Variants in PTK2 observed in about 807,000 individuals in gnomAD.
PTK2 encodes the protein protein tyrosine kinase 2, also known as focal adhesion kinase 1.
A neutral mutation model predicts 150.1 loss-of-function variants in PTK2; 45 were observed. The ratio of observed to expected loss-of-function variants is 0.30; its 90% CI spans 0.24 to 0.38. The LOEUF is 0.38. Among genes scored for constraint, PTK2 ranks in the 10% least tolerant of loss-of-function variants. The pLI, the probability that PTK2 is intolerant of heterozygous loss-of-function variation, is 1.00. For synonymous variants in PTK2, 432 were observed against 449.2 expected (o/e 0.96, Z 0.48); for missense variants, 919 against 1,307.3 (o/e 0.70, Z 4.58).
intron 22 of PTK2, among the ~76,000 whole-genome samples, chr8:140,728,942 G>A (rs767283117): frequency 6.6e-6 from 1 of 152,026 alleles, no homozygotes; most frequent in Non-Finnish European, 1.5e-5. Context: ...ATTGATACAC[G>A]CACACATGTC....
chr8:140,916,473 A>G (rs1051200520), intron 2 of PTK2, among the ~76,000 whole-genome samples: 5 of 152,168 alleles, frequency 3.3e-5, no homozygotes, highest in Non-Finnish European at 5.9e-5. Context: ...CACTTGGCTA[A>G]CTCCCATATT....
intron 5 of PTK2, among the ~76,000 whole-genome samples, chr8:140,861,224 C>G (rs1021712107): frequency 1.8e-4 from 27 of 152,226 alleles, no homozygotes; most frequent in African/African-American, 6.5e-4. Context: ...TGGCACGCAC[C>G]TGTAGTCCCA....
chr8:140,713,626 C>T (rs2100037946), intron 23 of PTK2, among the ~76,000 whole-genome samples: 1 of 152,174 alleles, frequency 6.6e-6, no homozygotes, highest in Admixed American at 6.5e-5. Context: ...AATGGCTGTT[C>T]TAGGATACTT....
chr8:140,811,201 A>G (rs1295942212), intron 10 of PTK2, among the ~76,000 whole-genome samples: 1 of 152,188 alleles, frequency 6.6e-6, no homozygotes, highest in Non-Finnish European at 1.5e-5. Flanking sequence ...AACACTCCAC[A>G]AGTGCAGTGG....
At chr8:140,868,494 C>T (rs2100140679) in intron 4 of PTK2, among the ~76,000 whole-genome samples, 1 of 152,120 alleles carries the variant, frequency 6.6e-6, no homozygotes, top group South Asian at 2.1e-4. Flanking sequence ...TGTATCTTCC[C>T]AGAAGATATT....
intron 2 of PTK2, among the ~76,000 whole-genome samples, chr8:140,911,860 GA>G (rs983277666): frequency 1.3e-5 from 2 of 151,930 alleles, no homozygotes; most frequent in African/African-American, 4.8e-5. Context: ...CGATTACAAG[GA>G]AAAAAATTAC....
intron 22 of PTK2, among the ~76,000 whole-genome samples, chr8:140,725,888 G>GA (rs201028978): frequency 6.7e-6 from 1 of 150,022 alleles, no homozygotes; most frequent in South Asian, 2.1e-4. Flanking sequence ...TTCTCAAGAG[G>GA]AAAAAAAATT....
chr8:140,794,320 C>T (rs2100090314), intron 12 of PTK2, among the ~76,000 whole-genome samples: 1 of 152,208 alleles, frequency 6.6e-6, no homozygotes, highest in African/African-American at 2.4e-5. Context: ...CTCTGGCTGT[C>T]ATCTTTGTAT....
intron 5 of PTK2, among the ~76,000 whole-genome samples, chr8:140,857,832 A>G (rs2100133667): frequency 6.6e-6 from 1 of 152,192 alleles, no homozygotes; most frequent in African/African-American, 2.4e-5. Context: ...TTTAGAGGAA[A>G]GAATCCCCAA....
At chr8:140,902,958 T>G (rs2100159334) in intron 2 of PTK2, among the ~76,000 whole-genome samples, 1 of 114,232 alleles carries the variant, frequency 8.8e-6, no homozygotes, top group Non-Finnish European at 1.8e-5. Context: ...TTTTTTTTTT[T>G]TGCCATGCAG....
rs370537018 is a variant in PTK2, at chr8:140,820,076, G to GTTTTTTTTTTTTTTTTTTTTTTTTT, written c.649-1081_649-1057dup. Among the ~76,000 whole-genome samples the GTTTTTTTTTTTTTTTTTTTTTTTTT allele has an allele frequency of 1.0e-4, 5 of 50,194 alleles. 2 individuals are homozygous for GTTTTTTTTTTTTTTTTTTTTTTTTT. Among genetic ancestry groups the GTTTTTTTTTTTTTTTTTTTTTTTTT allele is most frequent in the Non-Finnish European group, 2.1e-4 (5 of 23,960 alleles). The allele number at this position is 50,194 out of a possible 152,430, so 32.9% of individuals were successfully genotyped here. On this transcript the variant is annotated intron_variant, in intron 8 of 31. Transcript: ENST00000522684. ...AGAGGAGTGACTTTATCTGACTTTG[G>GTTTTTTTTTTTTTTTTTTTTTTTTT]TTTTTTTTTTTTTTTTTTTTTTTTT...
intron 2 of PTK2, among the ~76,000 whole-genome samples, chr8:140,894,830 T>C (rs575976425): frequency 1.3e-4 from 20 of 152,206 alleles, no homozygotes; most frequent in Non-Finnish European, 2.2e-4. Context: ...TGAGTATACA[T>C]GAATACACCC....
chr8:140,707,957 T>TGA (rs2100034733), intron 23 of PTK2, among the ~76,000 whole-genome samples: 1 of 152,084 alleles, frequency 6.6e-6, no homozygotes, highest in South Asian at 2.1e-4. Flanking sequence ...AAGATGGGGG[T>TGA]GAGCTACAGG....
intron 2 of PTK2, among the ~76,000 whole-genome samples, chr8:140,895,016 T>C (rs934692086): frequency 6.6e-6 from 1 of 152,130 alleles, no homozygotes; most frequent in Admixed American, 6.5e-5. Context: ...TCAATAAATA[T>C]CAAGGGACTA....
At chr8:140,768,881 A>T (rs2100073949) in intron 14 of PTK2, among the ~76,000 whole-genome samples, 2 of 152,164 alleles carry the variant, frequency 1.3e-5, no homozygotes, top group East Asian at 3.9e-4. Flanking sequence ...CCTATTACAA[A>T]AATGAACATA....
At chr8:140,909,810 T>C (rs2100162391) in intron 2 of PTK2, among the ~76,000 whole-genome samples, 1 of 152,216 alleles carries the variant, frequency 6.6e-6, no homozygotes, top group Admixed American at 6.5e-5. Flanking sequence ...CATGGATCAT[T>C]ACTTAGTCCT....
chr8:140,856,916 A>G (rs2100132977), intron 5 of PTK2, among the ~76,000 whole-genome samples: 1 of 152,222 alleles, frequency 6.6e-6, no homozygotes, highest in African/African-American at 2.4e-5. Context: ...AGAGATAAAA[A>G]CAGTTATGTG....
intron 8 of PTK2, among the ~76,000 whole-genome samples, chr8:140,826,206 A>C (rs1414267859): frequency 6.6e-6 from 1 of 152,226 alleles, no homozygotes; most frequent in East Asian, 1.9e-4. Context: ...TTTCAGAAGA[A>C]ACAAGAAACT....
At chr8:140,743,316 C>T (rs1224702542) in exon 20 of PTK2, 2 of 1,612,652 alleles carry the variant, frequency 1.2e-6, no homozygotes, top group Non-Finnish European at 1.7e-6. Context: ...CAGAACATTC[C>T]GAGCAGCAAT....
Sources: gnomAD v4.1 joint callset for allele counts (sites outside exome capture counted in the v4.1 genomes callset) on GRCh38, gnomAD v4.1.1 for gene constraint, MANE v1.5 for transcripts, NCBI Gene and HGNC (gene_info 2026-07-23, HGNC 2026-07-21) for gene names.